Variants in GALNTL6 observed in about 807,000 individuals in gnomAD.
GALNTL6 encodes polypeptide N-acetylgalactosaminyltransferase-like 6.
Under a neutral mutation model 73.7 loss-of-function variants are expected in GALNTL6, and 46 were observed. The ratio of observed to expected loss-of-function variants is 0.62; its 90% CI spans 0.49 to 0.80. The LOEUF (loss-of-function observed/expected upper bound fraction) is 0.80, where lower values mean the gene tolerates loss of function less well. GALNTL6 is among the 30% of genes least tolerant of loss of function. The pLI, the probability that GALNTL6 is intolerant of heterozygous loss-of-function variation, is 0.00. For missense variants in GALNTL6, 604 were observed against 755.0 expected (o/e 0.80, Z 2.34); for synonymous variants, 259 against 263.7 (o/e 0.98, Z 0.17).
chr4:172,016,879 CT>C (rs1165982035), intron 2 of GALNTL6, among the ~76,000 whole-genome samples: 1 of 152,026 alleles, frequency 6.6e-6, no homozygotes, highest in African/African-American at 2.4e-5. Flanking sequence ...TCTTTATGTG[CT>C]GGCTTTCCCT....
At chr4:172,062,979 G>A (rs962566926) in intron 2 of GALNTL6, among the ~76,000 whole-genome samples, 11 of 152,172 alleles carry the variant, frequency 7.2e-5, no homozygotes, top group Non-Finnish European at 1.6e-4. Context: ...TTCTGGAAGC[G>A]TGCCTTGCAA....
At chr4:172,077,134 C>T (rs970450459) in intron 2 of GALNTL6, among the ~76,000 whole-genome samples, 3 of 152,114 alleles carry the variant, frequency 2.0e-5, no homozygotes, top group African/African-American at 7.2e-5. Flanking sequence ...CATAAATTAC[C>T]AGTCTCTGGT....
At chr4:171,913,283 G>A (rs1023647157) in intron 2 of GALNTL6, among the ~76,000 whole-genome samples, 1 of 152,182 alleles carries the variant, frequency 6.6e-6, no homozygotes. Flanking sequence ...CTGGAAAGAG[G>A]CATTTATGGC....
At chr4:172,328,920 A>C (rs1034124444) in intron 4 of GALNTL6, among the ~76,000 whole-genome samples, 1 of 152,142 alleles carries the variant, frequency 6.6e-6, no homozygotes, top group East Asian at 1.9e-4. Flanking sequence ...TTGTTTGGAG[A>C]ACATAAAACA....
chr4:172,203,171 A>G (rs1736008530), intron 2 of GALNTL6, among the ~76,000 whole-genome samples: 4 of 152,170 alleles, frequency 2.6e-5, no homozygotes, highest in African/African-American at 9.7e-5. Flanking sequence ...GCATGATAGA[A>G]TGAGGACATA....
chr4:172,873,606 G>C (rs1289871658), intron 7 of GALNTL6, among the ~76,000 whole-genome samples: 4 of 152,324 alleles, frequency 2.6e-5, no homozygotes, highest in African/African-American at 7.2e-5. Flanking sequence ...CAAGGGTGCT[G>C]TTTTTCCCTC....
chr4:171,901,981 A>G (rs1313848344), intron 2 of GALNTL6, among the ~76,000 whole-genome samples: 1 of 152,206 alleles, frequency 6.6e-6, no homozygotes, highest in African/African-American at 2.4e-5. Context: ...AAACATGCAT[A>G]CAGCTCATCA....
chr4:172,325,912 A>G (rs1467688122), intron 4 of GALNTL6, among the ~76,000 whole-genome samples: 1 of 151,820 alleles, frequency 6.6e-6, no homozygotes, highest in Non-Finnish European at 1.5e-5. Flanking sequence ...CAGAGTTTAT[A>G]TTCTTCTCAT....
intron 5 of GALNTL6, among the ~76,000 whole-genome samples, chr4:172,731,895 A>C (rs1736171442): frequency 6.6e-6 from 1 of 152,096 alleles, no homozygotes; most frequent in Non-Finnish European, 1.5e-5. Context: ...CATATTTTTC[A>C]GAGAAAATAC....
At chr4:171,918,084 T>C (rs1737679121) in intron 2 of GALNTL6, among the ~76,000 whole-genome samples, 1 of 152,124 alleles carries the variant, frequency 6.6e-6, no homozygotes, top group Non-Finnish European at 1.5e-5. Flanking sequence ...CACTGATCTC[T>C]TTAATAGGAG....
intron 2 of GALNTL6, 177 bp downstream of exon 2, chr4:171,814,895 A>C (rs1008436150): frequency 4.9e-6 from 3 of 617,596 alleles, no homozygotes; most frequent in Admixed American, 5.9e-5. Context: ...TTAAGATTGC[A>C]GCCAGTAACA....
intron 5 of GALNTL6, among the ~76,000 whole-genome samples, chr4:172,474,863 C>A (rs1733178118): frequency 6.6e-6 from 1 of 152,156 alleles, no homozygotes; most frequent in Non-Finnish European, 1.5e-5. Context: ...TACTGCAGTT[C>A]ATAGCACAAT....
chr4:172,327,184 A>G (rs939576188), intron 4 of GALNTL6, among the ~76,000 whole-genome samples: 2 of 152,062 alleles, frequency 1.3e-5, no homozygotes, highest in Non-Finnish European at 2.9e-5. Flanking sequence ...GAGCAGGTTA[A>G]TGGCCATGTA....
At chr4:172,079,484 A>T (rs1731811333) in intron 2 of GALNTL6, among the ~76,000 whole-genome samples, 1 of 150,872 alleles carries the variant, frequency 6.6e-6, no homozygotes, top group South Asian at 2.1e-4. Flanking sequence ...TTGATAAATC[A>T]TAAATACTTA....
At chr4:172,898,091 A>G (rs10015086) in intron 8 of GALNTL6, among the ~76,000 whole-genome samples, 7,121 of 152,126 alleles carry the variant, frequency 0.047, 460 homozygotes, top group African/African-American at 0.14. Context: ...TTATGTTTGT[A>G]TTTTTTCTAG....
intron 2 of GALNTL6, among the ~76,000 whole-genome samples, chr4:171,988,610 G>A (rs1356950732): frequency 1.3e-5 from 2 of 152,178 alleles, no homozygotes. Flanking sequence ...AAACAATTCG[G>A]TTGATAAGGC....
chr4:172,513,085 A>G (rs989569700), intron 5 of GALNTL6, among the ~76,000 whole-genome samples: 6 of 152,074 alleles, frequency 3.9e-5, no homozygotes, highest in African/African-American at 1.2e-4. Context: ...TCTCGGGCAT[A>G]GCAATTGTTC....
intron 2 of GALNTL6, among the ~76,000 whole-genome samples, chr4:171,852,236 T>C (rs911287282): frequency 6.6e-6 from 1 of 152,226 alleles, no homozygotes; most frequent in Non-Finnish European, 1.5e-5. Context: ...TTTATTTGAC[T>C]TATTTTATCA....
intron 2 of GALNTL6, among the ~76,000 whole-genome samples, chr4:171,982,987 T>G (rs989078299): frequency 1.3e-5 from 2 of 152,188 alleles, no homozygotes; most frequent in East Asian, 1.9e-4. Flanking sequence ...AACCATCTGC[T>G]TCATGGCCTA....
Sources: gnomAD v4.1 joint callset for allele counts (sites outside exome capture counted in the v4.1 genomes callset) on GRCh38, gnomAD v4.1.1 for gene constraint, MANE v1.5 for transcripts, NCBI Gene and HGNC (gene_info 2026-07-23, HGNC 2026-07-21) for gene names.